Variants in AGMO observed in about 807,000 individuals in gnomAD.
AGMO encodes alkylglycerol monooxygenase, also known as glyceryl-ether monooxygenase.
Under a neutral mutation model 60.2 loss-of-function variants are expected in AGMO, and 75 were observed. That is an observed-to-expected ratio of 1.25 (90% CI 1.03 to 1.51). AGMO has a LOEUF of 1.51. Among genes scored for constraint, AGMO ranks in the 40% most tolerant of loss-of-function variants. The probability of loss-of-function intolerance (pLI) is 0.00; values close to 1 mark genes in which losing one functional copy is unlikely to be tolerated. For missense variants in AGMO, 763 were observed against 525.5 expected (o/e 1.45, Z -4.42); for synonymous variants, 261 against 177.1 (o/e 1.47, Z -3.76).
intron 2 of AGMO, among the ~76,000 whole-genome samples, chr7:15,553,677 C>G (rs892850053): frequency 6.6e-6 from 1 of 152,048 alleles, no homozygotes; most frequent in Non-Finnish European, 1.5e-5. Flanking sequence ...CAATAACAGA[C>G]TGAAGGTCCT....
At position 15,485,082 on chromosome 7, in the gene AGMO, A is replaced by T. The variant is rs921782721; in HGVS notation, c.410-53974T>A. On this transcript the variant is annotated intron_variant, in intron 3 of 12. Coordinates refer to ENST00000342526, the MANE Select transcript of AGMO (RefSeq NM_001004320.2). Reference sequence around the variant, plus strand: ...GGAGGCCGAAGCGGGTGGATCATCGAGGTGAGGAATTCGAGACCAGCCTGG... The same window carrying T: ...GGAGGCCGAAGCGGGTGGATCATCGTGGTGAGGAATTCGAGACCAGCCTGG... Among the ~76,000 whole-genome samples the T allele has an allele frequency of 2.1e-4, 31 of 146,820 alleles. 1 individual carries two copies. The highest frequency in any genetic ancestry group is 4.3e-4 in the Non-Finnish European group (29 of 67,200).
At chr7:15,180,063 A>C in the AGMO span, among the ~76,000 whole-genome samples, 8 of 152,116 alleles carry the variant, frequency 5.3e-5, no homozygotes, top group African/African-American at 1.4e-4. Flanking sequence ...AACCTCCAAG[A>C]TCTTTGAAAT....
chr7:15,291,332 G>A lies in AGMO; in HGVS notation c.1263+74182C>T, dbSNP rs73284548. Among the ~76,000 whole-genome samples, 289 of 152,188 alleles carry A rather than the reference G, an allele frequency of 1.9e-3. 2 individuals are homozygous for A. The highest frequency in any genetic ancestry group is 6.4e-3 in the African/African-American group (267 of 41,542). ...TTATCCATTATATCCAATGGGAAACGTTACGATTCTATAACAGATTATATA... is the reference window on the plus strand; with the variant it reads ...TTATCCATTATATCCAATGGGAAACATTACGATTCTATAACAGATTATATA... On this transcript the variant is annotated intron_variant, in intron 12 of 12. Coordinates refer to ENST00000342526, the MANE Select transcript of AGMO (RefSeq NM_001004320.2).
At chr7:15,540,760 G>C (rs959085842) in intron 3 of AGMO, among the ~76,000 whole-genome samples, 7 of 152,042 alleles carry the variant, frequency 4.6e-5, no homozygotes, top group African/African-American at 1.7e-4. Context: ...TTCTAAATTT[G>C]TTTATATACT....
At chr7:15,483,092 A>C (rs1782804136) in intron 3 of AGMO, among the ~76,000 whole-genome samples, 1 of 152,240 alleles carries the variant, frequency 6.6e-6, no homozygotes, top group Non-Finnish European at 1.5e-5. Flanking sequence ...TGCAAAGAAG[A>C]AAATAATACT....
intron 12 of AGMO, among the ~76,000 whole-genome samples, chr7:15,267,114 G>C (rs1054015104): frequency 6.6e-6 from 1 of 151,964 alleles, no homozygotes; most frequent in African/African-American, 2.4e-5. Flanking sequence ...TTAGTGATAG[G>C]TTGCTTCTCA....
intron 12 of AGMO, among the ~76,000 whole-genome samples, chr7:15,297,766 T>C (rs891498549): frequency 2.6e-5 from 4 of 152,252 alleles, no homozygotes; most frequent in Admixed American, 1.3e-4. Context: ...ATTATTGTCA[T>C]ATATGGAAAG....
In AGMO at chr7:15,291,304, C is replaced by A. The variant is rs182462492; in HGVS notation, c.1263+74210G>T. 1.3e-3 allele frequency among the ~76,000 whole-genome samples: 191 copies of A among 152,196 alleles called. 1 individual carries two copies. Among genetic ancestry groups the A allele is most frequent in the Middle Eastern group, 6.8e-3 (2 of 294 alleles). ...ATCGACAAAATTAATGCTTTAACAA[C>A]TTTTATCCATTATATCCAATGGGAA... is the stretch of plus-strand genomic sequence containing the variant. On this transcript the variant is annotated intron_variant, in intron 12 of 12. Coordinates refer to ENST00000342526, the MANE Select transcript of AGMO (RefSeq NM_001004320.2).
At chr7:15,275,444 C>A (rs1175900832) in intron 12 of AGMO, among the ~76,000 whole-genome samples, 1 of 151,514 alleles carries the variant, frequency 6.6e-6, no homozygotes, top group Admixed American at 6.6e-5. Flanking sequence ...TTGAGATTTG[C>A]TTAAGGGTCA....
intron 12 of AGMO, among the ~76,000 whole-genome samples, chr7:15,250,086 C>A (rs535292483): frequency 1.3e-5 from 2 of 152,232 alleles, no homozygotes; most frequent in South Asian, 2.1e-4. Flanking sequence ...AAGCCTTCAA[C>A]AATTTAATAT....
rs182541467 is a variant in AGMO, at chr7:15,510,192, G to T, written c.409+34580C>A. On this transcript the variant is annotated intron_variant, in intron 3 of 12. Transcript: ENST00000342526. ...TCTTTTGTTTTGTTTTTGAGATAGG[G>T]TCTCACTCTGTCTCTCAGGCTGAAG... Among the ~76,000 whole-genome samples, 61 of 152,120 alleles carry T rather than the reference G, an allele frequency of 4.0e-4. No homozygotes were observed. In the East Asian group the frequency reaches 8.7e-3, roughly 22 times the overall value.
At chr7:15,386,199 A>ATAG (rs1554264714) in intron 9 of AGMO, among the ~76,000 whole-genome samples, 1 of 151,552 alleles carries the variant, frequency 6.6e-6, no homozygotes, top group Non-Finnish European at 1.5e-5. Context: ...AAAAGAAAAA[A>ATAG]AAGGTGATCT....
chr7:15,262,422 G>C (rs1483549503), intron 12 of AGMO, among the ~76,000 whole-genome samples: 1 of 151,912 alleles, frequency 6.6e-6, no homozygotes, highest in Non-Finnish European at 1.5e-5. Context: ...ACCTAACCAA[G>C]GACATGAAAA....
rs114051803 is a variant in AGMO, at chr7:15,491,889, A to G, written c.409+52883T>C. On this transcript the variant is annotated intron_variant, in intron 3 of 12. Transcript: ENST00000342526. ...CCCAAAATCAGAGGGATTTAAATCT[A>G]TCACCTTTCAACTGGTTGGGAGAAG... Among the ~76,000 whole-genome samples the G allele has an allele frequency of 3.3e-3, 510 of 152,318 alleles. 4 individuals are homozygous for G. The highest frequency in any genetic ancestry group is 0.011 in the African/African-American group (477 of 41,574).
At chr7:15,507,420 T>G (rs74500574) in intron 3 of AGMO, among the ~76,000 whole-genome samples, 2,318 of 152,144 alleles carry the variant, frequency 0.015, 62 homozygotes, top group African/African-American at 0.053. Context: ...CTCTAGAACC[T>G]ACCAAGAATT....
chr7:15,352,447 G>GTTT (rs564021801), intron 12 of AGMO, among the ~76,000 whole-genome samples: 18 of 135,360 alleles, frequency 1.3e-4, no homozygotes, highest in Admixed American at 3.0e-4. Context: ...CCAGAAGTAT[G>GTTT]TTTTTTTTTT....
chr7:15,182,712 T>C, the AGMO span, among the ~76,000 whole-genome samples: 1 of 152,198 alleles, frequency 6.6e-6, no homozygotes, highest in Non-Finnish European at 1.5e-5. Context: ...CCACTGTGCC[T>C]AGCCTCAACA....
chr7:15,445,949 T>C (rs2128503734), intron 3 of AGMO, among the ~76,000 whole-genome samples: 1 of 152,266 alleles, frequency 6.6e-6, no homozygotes, highest in Non-Finnish European at 1.5e-5. Flanking sequence ...AAATCGTAAT[T>C]GAAAAAATAA....
intron 2 of AGMO, among the ~76,000 whole-genome samples, chr7:15,558,859 T>C (rs1234793539): frequency 6.6e-6 from 1 of 152,076 alleles, no homozygotes; most frequent in East Asian, 1.9e-4. Flanking sequence ...CCACCTTAGC[T>C]TCCCACTGGG....
Sources: allele counts gnomAD v4.1 joint callset (sites outside exome capture counted in the v4.1 genomes callset), GRCh38; gene constraint gnomAD v4.1.1; transcripts MANE v1.5; gene names NCBI Gene and HGNC (gene_info 2026-07-23, HGNC 2026-07-21).